The following MVB12B variants were observed in gnomAD, a reference collection of about 807,000 sequenced individuals.
MVB12B encodes ESCRT-I complex subunit MVB12B.
In MVB12B, 16 loss-of-function variants were observed where a neutral mutation model predicts 41.6. The observed-to-expected ratio is 0.38, with a 90% CI of 0.26 to 0.58. The LOEUF (loss-of-function observed/expected upper bound fraction) is 0.58, where lower values mean the gene tolerates loss of function less well. Among genes scored for constraint, MVB12B ranks in the 20% least tolerant of loss-of-function variants. MVB12B has a pLI of 0.62. For synonymous variants in MVB12B, 133 were observed against 139.7 expected, an observed-to-expected ratio of 0.95 and a Z score of 0.34; for missense variants, 274 against 380.2, an observed-to-expected ratio of 0.72 and a Z score of 2.32.
intron 9 of MVB12B, among the ~76,000 whole-genome samples, chr9:126,494,278 T>C (rs188026167): frequency 6.6e-6 from 1 of 152,122 alleles, no homozygotes; most frequent in Admixed American, 6.5e-5. Flanking sequence ...ATTCCAAGAG[T>C]CTTGGAGGCC....
intron 1 of MVB12B, among the ~76,000 whole-genome samples, chr9:126,331,405 G>A (rs992657205): frequency 6.6e-6 from 1 of 152,204 alleles, no homozygotes; most frequent in African/African-American, 2.4e-5. Context: ...TTGGCTATTC[G>A]TATATTGTCT....
At chr9:126,393,560 G>C (rs948336299) in intron 5 of MVB12B, among the ~76,000 whole-genome samples, 2 of 152,242 alleles carry the variant, frequency 1.3e-5, no homozygotes, top group Non-Finnish European at 2.9e-5. Context: ...GCCTGAGCAG[G>C]AAGTAGGATC....
At chr9:126,429,754 A>G (rs182945999) in intron 7 of MVB12B, among the ~76,000 whole-genome samples, 6 of 152,352 alleles carry the variant, frequency 3.9e-5, no homozygotes, top group Non-Finnish European at 7.3e-5. Context: ...TGGCTGTGTC[A>G]CTGAAGTTAA....
intron 2 of MVB12B, among the ~76,000 whole-genome samples, chr9:126,348,319 C>G (rs1273927059): frequency 1.3e-5 from 2 of 152,198 alleles, no homozygotes; most frequent in African/African-American, 4.8e-5. Context: ...TTTGTCCTGC[C>G]GCACCCTGGC....
intron 2 of MVB12B, among the ~76,000 whole-genome samples, chr9:126,349,233 G>A (rs1286011648): frequency 6.6e-6 from 1 of 152,114 alleles, no homozygotes; most frequent in Non-Finnish European, 1.5e-5. Flanking sequence ...CTGGCCCTGG[G>A]GTGATTTAGG....
chr9:126,360,776 T>C (rs2118890708), intron 2 of MVB12B, among the ~76,000 whole-genome samples: 1 of 152,336 alleles, frequency 6.6e-6, no homozygotes, highest in East Asian at 1.9e-4. Flanking sequence ...TGCATAAACA[T>C]TAAGGAATGA....
intron 6 of MVB12B, among the ~76,000 whole-genome samples, chr9:126,400,769 C>T (rs1340068632): frequency 1.3e-5 from 2 of 152,228 alleles, no homozygotes; most frequent in African/African-American, 4.8e-5. Flanking sequence ...GCTGTGCAGC[C>T]TCCCTGAGAG....
intron 3 of MVB12B, among the ~76,000 whole-genome samples, chr9:126,385,168 G>A (rs1830745358): frequency 6.6e-6 from 1 of 152,090 alleles, no homozygotes; most frequent in Non-Finnish European, 1.5e-5. Context: ...GAGTGGCCCG[G>A]TTGAAAAATG....
intron 7 of MVB12B, among the ~76,000 whole-genome samples, chr9:126,446,463 A>T (rs2119150318): frequency 6.8e-6 from 1 of 147,656 alleles, no homozygotes; most frequent in African/African-American, 2.5e-5. Context: ...ATATAAAAAT[A>T]TTTCTAAAAT....
chr9:126,495,530 C>T (rs1447482973), intron 9 of MVB12B, among the ~76,000 whole-genome samples: 1 of 152,130 alleles, frequency 6.6e-6, no homozygotes, highest in Non-Finnish European at 1.5e-5. Context: ...TTGCTCTGCC[C>T]CCATCATCCT....
intron 7 of MVB12B, among the ~76,000 whole-genome samples, chr9:126,444,949 C>T (rs1055849451): frequency 6.6e-6 from 1 of 152,026 alleles, no homozygotes; most frequent in African/African-American, 2.4e-5. Context: ...GGGAGGGTCA[C>T]GCTTTTAATA....
At chr9:126,483,609 AAG>A (rs1833572221) in intron 8 of MVB12B, among the ~76,000 whole-genome samples, 1 of 152,160 alleles carries the variant, frequency 6.6e-6, no homozygotes, top group African/African-American at 2.4e-5. Context: ...TGCAGCGAGA[AAG>A]AGCAAACCTT....
chr9:126,378,049 G>A (rs1471589785), intron 2 of MVB12B, among the ~76,000 whole-genome samples: 1 of 152,214 alleles, frequency 6.6e-6, no homozygotes, highest in East Asian at 1.9e-4. Flanking sequence ...TTAAGCTATT[G>A]GGCCTCAAAT....
At position 126,481,443 on chromosome 9, in the gene MVB12B, C is replaced by G; in HGVS notation, c.813+19C>G. ...AGAAAGTGTAAGTTTTATGCATGAT[C>G]GCCCTTCCCCTCTGCCACCCCCCAG... is the stretch of plus-strand genomic sequence containing the variant. On this transcript the variant is annotated intron_variant, in intron 8 of 9. Transcript: ENST00000361171. The G allele has an allele frequency of 6.3e-7, 1 of 1,599,188 alleles. No homozygotes were observed. The highest frequency in any genetic ancestry group is 8.6e-7 in the Non-Finnish European group (1 of 1,166,528).
At chr9:126,342,830 G>A (rs1829484699) in intron 2 of MVB12B, among the ~76,000 whole-genome samples, 1 of 152,204 alleles carries the variant, frequency 6.6e-6, no homozygotes, top group South Asian at 2.1e-4. Flanking sequence ...CCAAACCAAA[G>A]TGCAAGGCGC....
At chr9:126,338,975 A>G (rs1564279495) in intron 1 of MVB12B, among the ~76,000 whole-genome samples, 1 of 152,226 alleles carries the variant, frequency 6.6e-6, no homozygotes, top group Admixed American at 6.5e-5. Context: ...TGATGCAGTG[A>G]TGCAGTGTGG....
At chr9:126,377,101 G>C (rs2118947801) in intron 2 of MVB12B, among the ~76,000 whole-genome samples, 1 of 152,182 alleles carries the variant, frequency 6.6e-6, no homozygotes, top group East Asian at 1.9e-4. Context: ...GGAGGCTTCT[G>C]CACTGTCCAT....
chr9:126,404,048 G>A (rs1370984171), intron 6 of MVB12B, among the ~76,000 whole-genome samples: 1 of 148,822 alleles, frequency 6.7e-6, no homozygotes, highest in Admixed American at 6.9e-5. Context: ...CTGCCTCCTG[G>A]GTTCAAGCAG....
chr9:126,476,679 A>G (rs1833427820), intron 7 of MVB12B, among the ~76,000 whole-genome samples: 1 of 152,108 alleles, frequency 6.6e-6, no homozygotes, highest in Admixed American at 6.5e-5. Flanking sequence ...GATCGAGACC[A>G]TCCTGGCTAA....
Sources: gnomAD v4.1 joint callset for allele counts (sites outside exome capture counted in the v4.1 genomes callset) on GRCh38, gnomAD v4.1.1 for gene constraint, MANE v1.5 for transcripts, NCBI Gene and HGNC (gene_info 2026-07-23, HGNC 2026-07-21) for gene names.